Variants in BAZ2B observed in about 807,000 individuals in gnomAD.
BAZ2B encodes the protein bromodomain adjacent to zinc finger domain protein 2B.
Under a neutral mutation model 246.0 loss-of-function variants are expected in BAZ2B, and 91 were observed. The observed-to-expected ratio is 0.37, with a 90% confidence interval of 0.31 to 0.44. The LOEUF (loss-of-function observed/expected upper bound fraction) is 0.44, where lower values mean the gene tolerates loss of function less well. Among genes scored for constraint, BAZ2B ranks in the 20% least tolerant of loss-of-function variants. The probability of loss-of-function intolerance (pLI) is 1.00; values close to 1 mark genes in which losing one functional copy is unlikely to be tolerated. For synonymous variants in BAZ2B, 855 were observed against 860.0 expected (o/e 0.99, Z 0.10); for missense variants, 2,332 against 2,533.7 (o/e 0.92, Z 1.71).
the BAZ2B span, among the ~76,000 whole-genome samples, chr2:159,675,562 CAATT>C: frequency 6.6e-6 from 1 of 152,056 alleles, no homozygotes; most frequent in East Asian, 1.9e-4. Flanking sequence ...AAAAACGGAT[CAATT>C]ATTTTTTGGA....
Position 159,414,622 on chromosome 2 carries a change from G to A in BAZ2B, c.2467-2077C>T, listed in dbSNP as rs1052380899. Among the ~76,000 whole-genome samples, 17 of 152,022 alleles carry A rather than the reference G, an allele frequency of 1.1e-4. No individual in the cohort carries two copies. In the East Asian group the frequency reaches 3.3e-3, roughly 29 times the overall value. On this transcript the variant is annotated intron_variant, in intron 13 of 36. Transcript: ENST00000392783. The stretch of plus-strand genomic sequence containing the variant: ...TCCTGAGGTCAGGAGTTTGAGAACA[G>A]CCTGGCCAACATGGTGAAACCCCGT...
intron 1 of BAZ2B, among the ~76,000 whole-genome samples, chr2:159,601,428 G>A (rs372585209): frequency 6.0e-4 from 88 of 146,304 alleles, no homozygotes; most frequent in Non-Finnish European, 4.4e-4. Flanking sequence ...TGTCTCAAAA[G>A]AAAAAAAAAA....
chr2:159,598,485 C>T (rs1691302230), intron 1 of BAZ2B, among the ~76,000 whole-genome samples: 1 of 152,154 alleles, frequency 6.6e-6, no homozygotes, highest in African/African-American at 2.4e-5. Flanking sequence ...TGAGAAATCC[C>T]TGGGAATGTG....
At chr2:159,413,777 C>T (rs17423304) in intron 13 of BAZ2B, among the ~76,000 whole-genome samples, 1 of 151,952 alleles carries the variant, frequency 6.6e-6, no homozygotes, top group Non-Finnish European at 1.5e-5. Flanking sequence ...AACTGAAAAT[C>T]TGAGCAATGA....
intron 25 of BAZ2B, among the ~76,000 whole-genome samples, chr2:159,380,410 C>T (rs926843081): frequency 3.3e-5 from 5 of 152,184 alleles, no homozygotes; most frequent in African/African-American, 1.2e-4. Context: ...CAAATTCAAT[C>T]AACATTTTTG....
intron 3 of BAZ2B, among the ~76,000 whole-genome samples, chr2:159,466,749 C>T (rs990785209): frequency 1.2e-4 from 18 of 152,024 alleles, no homozygotes; most frequent in African/African-American, 4.3e-4. Context: ...GTGTTAAGTC[C>T]CAGCCACGGA....
chr2:159,361,654 A>G (rs1368320798), intron 27 of BAZ2B, among the ~76,000 whole-genome samples: 1 of 152,224 alleles, frequency 6.6e-6, no homozygotes, highest in Admixed American at 6.5e-5. Context: ...ACACATGCAC[A>G]TGTATGTTTA....
At chr2:159,705,488 T>G in the BAZ2B span, among the ~76,000 whole-genome samples, 1 of 152,220 alleles carries the variant, frequency 6.6e-6, no homozygotes, top group Non-Finnish European at 1.5e-5. Context: ...CAGAAATATA[T>G]TCAGCATAAA....
chr2:159,423,711 T>A (rs2069213581), intron 13 of BAZ2B, among the ~76,000 whole-genome samples: 1 of 152,258 alleles, frequency 6.6e-6, no homozygotes. Context: ...TCTTATCCTT[T>A]GTAACAACAT....
chr2:159,677,057 G>A, the BAZ2B span, among the ~76,000 whole-genome samples: 1 of 147,274 alleles, frequency 6.8e-6, no homozygotes, highest in East Asian at 2.0e-4. Flanking sequence ...TTGGATAGAA[G>A]TCCTGTATTG....
intron 3 of BAZ2B, among the ~76,000 whole-genome samples, chr2:159,455,762 G>GGTTTTTT: frequency 1.0e-5 from 1 of 97,124 alleles, no homozygotes; most frequent in Admixed American, 1.1e-4. Context: ...GAAATATTGT[G>GGTTTTTT]GTTTTTTTTT....
intron 2 of BAZ2B, among the ~76,000 whole-genome samples, chr2:159,546,944 A>G (rs529582118): frequency 3.9e-5 from 6 of 152,288 alleles, no homozygotes; most frequent in African/African-American, 1.4e-4. Context: ...GAACTGTGAC[A>G]TTTGAGTTTA....
chr2:159,677,372 T>C, the BAZ2B span, among the ~76,000 whole-genome samples: 4 of 152,150 alleles, frequency 2.6e-5, no homozygotes, highest in Non-Finnish European at 5.9e-5. Flanking sequence ...AAATTCTTAA[T>C]ATTTTGTGTA....
chr2:159,472,896 A>G (rs1463483019), intron 3 of BAZ2B, among the ~76,000 whole-genome samples: 2 of 152,084 alleles, frequency 1.3e-5, no homozygotes, highest in African/African-American at 4.8e-5. Context: ...TCAGTATTTT[A>G]TTGAGGATTT....
At chr2:159,477,655 A>T (rs2078759989) in intron 3 of BAZ2B, among the ~76,000 whole-genome samples, 1 of 152,200 alleles carries the variant, frequency 6.6e-6, no homozygotes, top group African/African-American at 2.4e-5. Flanking sequence ...TAAGATAAGA[A>T]ATAGTTAAAA....
chr2:159,681,445 CA>C, the BAZ2B span, among the ~76,000 whole-genome samples: 65,758 of 138,622 alleles, frequency 0.47, 15,368 homozygotes, highest in Middle Eastern at 0.61. Flanking sequence ...ACAGTTTGAC[CA>C]AAAAAAAAAA....
chr2:159,662,671 C>T, the BAZ2B span, among the ~76,000 whole-genome samples: 1 of 151,850 alleles, frequency 6.6e-6, no homozygotes. Context: ...ATTACAGGTG[C>T]CCACCACCAT....
chr2:159,453,961 T>C (rs1439089630), intron 3 of BAZ2B, among the ~76,000 whole-genome samples, 160 bp from the exon 4 acceptor site: 1 of 152,144 alleles, frequency 6.6e-6, no homozygotes, highest in African/African-American at 2.4e-5. Context: ...CTATAAAATG[T>C]TTCTAGAAAC....
chr2:159,696,768 T>C, the BAZ2B span, among the ~76,000 whole-genome samples: 3 of 152,194 alleles, frequency 2.0e-5, no homozygotes, highest in Admixed American at 6.5e-5. Flanking sequence ...CATATGGTTA[T>C]ATGCAGTGTT....
Sources: gnomAD v4.1 joint callset for allele counts (sites outside exome capture counted in the v4.1 genomes callset) on GRCh38, gnomAD v4.1.1 for gene constraint, MANE v1.5 for transcripts, NCBI Gene and HGNC (gene_info 2026-07-23, HGNC 2026-07-21) for gene names.